FZD3: variants seen among roughly 807,000 people sequenced by gnomAD.
FZD3 encodes frizzled class receptor 3.
FZD3 carries 30 observed loss-of-function variants against 60.7 expected under a neutral mutation model. That is an observed-to-expected ratio of 0.49 (90% CI 0.37 to 0.67). FZD3 has a LOEUF of 0.67. Ranked by LOEUF, FZD3 falls within the 30% of genes least tolerant of loss-of-function variation. The probability of loss-of-function intolerance (pLI) is 0.00; values close to 1 mark genes in which losing one functional copy is unlikely to be tolerated. For synonymous variants in FZD3, 246 were observed against 275.2 expected (o/e 0.89, Z 1.05); for missense variants, 605 against 838.7 (o/e 0.72, Z 3.44).
intron 3 of FZD3, among the ~76,000 whole-genome samples, chr8:28,509,232 C>G (rs1355012622): frequency 6.6e-6 from 1 of 151,556 alleles, no homozygotes; most frequent in African/African-American, 2.4e-5. Context: ...GTTTCTATCC[C>G]TCTGTCACCT....
At position 28,572,834 on chromosome 8, in the gene FZD3, A is replaced by G. The variant is rs964675194; in HGVS notation, c.*9823A>G. ...TAAAAGTATATGAGTTGAAGATCAT[A>G]TAAAAAATATGAAACTCCTACACAG... On this transcript the variant is annotated 3_prime_UTR_variant, in exon 8 of 8. Transcript: ENST00000240093. 3.3e-5 allele frequency: 5 copies of G among 152,202 alleles called. No individual in the cohort carries two copies. The highest frequency in any genetic ancestry group is 1.2e-4 in the African/African-American group (5 of 41,458). 9.4% of individuals were successfully genotyped at this position (152,202 alleles called of 1,614,324 possible). A position where few individuals can be genotyped will look rare whatever the true frequency, so the allele number is the denominator to read the frequency against.
At chr8:28,517,310 G>C (rs1804454241) in intron 3 of FZD3, among the ~76,000 whole-genome samples, 1 of 152,172 alleles carries the variant, frequency 6.6e-6, no homozygotes, top group Non-Finnish European at 1.5e-5. Context: ...GAAAGTTACT[G>C]TCGCCTCCTT....
rs78097768 is a variant in FZD3, at chr8:28,560,095, G to A, written c.1788-2703G>A. Among the ~76,000 whole-genome samples, 734 of 152,242 alleles carry A rather than the reference G, an allele frequency of 4.8e-3. 28 individuals are homozygous for A. In the East Asian group the frequency reaches 0.093, roughly 19 times the overall value. The stretch of plus-strand genomic sequence containing the variant: ...TGCCATGACAAGAAAAAGCTAGGGA[G>A]TAAATAAGGAGGTATTAGTAAAACT... On this transcript the variant is annotated intron_variant, in intron 7 of 7. Transcript: ENST00000240093.
intron 5 of FZD3, among the ~76,000 whole-genome samples, chr8:28,534,310 T>C (rs1304233733): frequency 1.3e-5 from 2 of 152,210 alleles, no homozygotes; most frequent in African/African-American, 2.4e-5. Context: ...TGTGCAACCA[T>C]CACCTCCATC....
intron 5 of FZD3, among the ~76,000 whole-genome samples, chr8:28,530,228 C>T (rs1444833546): frequency 2.0e-5 from 3 of 151,756 alleles, no homozygotes; most frequent in Non-Finnish European, 2.9e-5. Context: ...AGGTATTAAA[C>T]TGTAAGCTGG....
At chr8:28,556,673 G>A (rs1805514258) in intron 7 of FZD3, among the ~76,000 whole-genome samples, 1 of 152,224 alleles carries the variant, frequency 6.6e-6, no homozygotes, top group Non-Finnish European at 1.5e-5. Flanking sequence ...AACTATTTGA[G>A]TCTGCTGTTG....
At chr8:28,536,203 A>G (rs1183156954) in intron 5 of FZD3, among the ~76,000 whole-genome samples, 1 of 152,186 alleles carries the variant, frequency 6.6e-6, no homozygotes, top group Non-Finnish European at 1.5e-5. Context: ...TCTTTTAAAC[A>G]TCGATTTTGA....
In FZD3 at chr8:28,530,473, C is replaced by T. The variant is rs116859485; in HGVS notation, c.1404+2309C>T. 19 of 152,130 alleles carry T rather than the reference C, an allele frequency of 1.2e-4. No homozygotes were observed. In the East Asian group the frequency reaches 2.9e-3, roughly 23 times the overall value. The allele number at this position is 152,130 out of a possible 1,614,324, so 9.4% of individuals were successfully genotyped here. A position where few individuals can be genotyped will look rare whatever the true frequency, so the allele number is the denominator to read the frequency against. ...TCTGATCTCGGAAGCTAAGCAGGGT[C>T]GGGCCTGGTTAGTACTTGGATGGGA... is the stretch of plus-strand genomic sequence containing the variant. On this transcript the variant is annotated intron_variant, in intron 5 of 7. Coordinates refer to ENST00000240093, the MANE Select transcript of FZD3 (RefSeq NM_017412.4).
rs1284063639 is a variant in FZD3 at position 28,572,681 on chromosome 8, A to G, written c.*9670A>G. 6.6e-6 allele frequency: 1 copy of G among 152,146 alleles called. No individual in the cohort carries two copies. The highest frequency in any genetic ancestry group is 1.5e-5 in the Non-Finnish European group (1 of 67,998). 9.4% of individuals were successfully genotyped at this position (152,146 alleles called of 1,614,324 possible). A position where few individuals can be genotyped will look rare whatever the true frequency, so the allele number is the denominator to read the frequency against. On this transcript the variant is annotated 3_prime_UTR_variant, in exon 8 of 8. Transcript: ENST00000240093. ...CCCCCTCACATCTAATGTGGACTCA[A>G]ATTTTGGCAACTGGAATGTTATCCT... is the stretch of plus-strand genomic sequence containing the variant.
chr8:28,554,937 TA>T (rs1290378413), intron 6 of FZD3, among the ~76,000 whole-genome samples: 1 of 152,176 alleles, frequency 6.6e-6, no homozygotes, highest in Admixed American at 6.5e-5. Context: ...TTTATTTACA[TA>T]ATCCAAGACA....
chr8:28,510,632 C>T (rs1804260334), intron 3 of FZD3, among the ~76,000 whole-genome samples: 1 of 152,078 alleles, frequency 6.6e-6, no homozygotes. Flanking sequence ...CAGTTCAAGC[C>T]CAAGTTTTGC....
intron 3 of FZD3, among the ~76,000 whole-genome samples, chr8:28,511,373 C>T (rs1252857394): frequency 6.6e-6 from 1 of 152,136 alleles, no homozygotes; most frequent in African/African-American, 2.4e-5. Context: ...GTAGTCCCAG[C>T]TACTTGGGAG....
intron 3 of FZD3, among the ~76,000 whole-genome samples, chr8:28,511,546 G>C (rs572251903): frequency 1.3e-5 from 2 of 152,266 alleles, no homozygotes; most frequent in African/African-American, 4.8e-5. Context: ...CAAATCCAAA[G>C]CATAATAGAC....
chr8:28,507,674 A>G (rs1329789571), intron 3 of FZD3, among the ~76,000 whole-genome samples: 1 of 152,012 alleles, frequency 6.6e-6, no homozygotes, highest in African/African-American at 2.4e-5. Flanking sequence ...AAGTGCTTGC[A>G]TGTTCCCCCG....
At chr8:28,529,530 A>G (rs1343152327) in intron 5 of FZD3, among the ~76,000 whole-genome samples, 1 of 152,150 alleles carries the variant, frequency 6.6e-6, no homozygotes. Flanking sequence ...AAGAGGGGAC[A>G]TTTTTAAGAC....
intron 2 of FZD3, among the ~76,000 whole-genome samples, chr8:28,500,675 T>TA (rs1171713747): frequency 6.6e-6 from 1 of 152,220 alleles, no homozygotes; most frequent in African/African-American, 2.4e-5. Context: ...TTTCAACAGT[T>TA]ACTTGACATA....
chr8:28,498,695 TC>T (rs1174032240), intron 1 of FZD3, among the ~76,000 whole-genome samples: 1 of 152,160 alleles, frequency 6.6e-6, no homozygotes, highest in Non-Finnish European at 1.5e-5. Flanking sequence ...CTCAAGCCCC[TC>T]CTGAATAGCT....
At chr8:28,558,423 C>T (rs1187470430) in intron 7 of FZD3, among the ~76,000 whole-genome samples, 1 of 133,676 alleles carries the variant, frequency 7.5e-6, no homozygotes, top group East Asian at 2.2e-4. Context: ...TTATTTCTTT[C>T]TTTTATTTAT....
chr8:28,559,884 C>A (rs1197061025), intron 7 of FZD3, among the ~76,000 whole-genome samples: 1 of 152,164 alleles, frequency 6.6e-6, no homozygotes, highest in African/African-American at 2.4e-5. Flanking sequence ...GGCCCAGATT[C>A]TTTGCTGGAT....
Sources: gnomAD v4.1 joint callset for allele counts (sites outside exome capture counted in the v4.1 genomes callset) on GRCh38, gnomAD v4.1.1 for gene constraint, MANE v1.5 for transcripts, NCBI Gene and HGNC (gene_info 2026-07-23, HGNC 2026-07-21) for gene names.